ADAMTS3: variants seen among roughly 807,000 people sequenced by gnomAD.
ADAMTS3 encodes A disintegrin and metalloproteinase with thrombospondin motifs 3.
ADAMTS3 carries 73 observed loss-of-function variants against 129.0 expected under a neutral mutation model. The ratio of observed to expected loss-of-function variants is 0.57; its 90% CI spans 0.47 to 0.69. ADAMTS3 has a LOEUF of 0.69. Among genes scored for constraint, ADAMTS3 ranks in the 30% least tolerant of loss-of-function variants. The probability of loss-of-function intolerance (pLI) is 0.00; values close to 1 mark genes in which losing one functional copy is unlikely to be tolerated. For missense variants in ADAMTS3, 1,457 were observed against 1,514.5 expected, an observed-to-expected ratio of 0.96 and a Z score of 0.63; for synonymous variants, 477 against 510.8, an observed-to-expected ratio of 0.93 and a Z score of 0.89.
At chr4:72,452,181 A>G (rs1718424843) in intron 3 of ADAMTS3, among the ~76,000 whole-genome samples, 1 of 151,796 alleles carries the variant, frequency 6.6e-6, no homozygotes, top group African/African-American at 2.4e-5. Flanking sequence ...ATCTGAATAC[A>G]AAAATAAAAG....
chr4:72,447,241 A>AGAAT (rs752974801), intron 3 of ADAMTS3, among the ~76,000 whole-genome samples: 1 of 151,722 alleles, frequency 6.6e-6, no homozygotes, highest in Non-Finnish European at 1.5e-5. Flanking sequence ...CTTTGCTGTT[A>AGAAT]TTCTAACTGC....
chr4:72,439,546 T>A (rs1718056917), intron 3 of ADAMTS3, among the ~76,000 whole-genome samples: 1 of 151,718 alleles, frequency 6.6e-6, no homozygotes, highest in Admixed American at 6.6e-5. Context: ...ACTGGTATAA[T>A]GTTTTAATAA....
At chr4:72,385,454 C>A (rs138649165) in intron 4 of ADAMTS3, among the ~76,000 whole-genome samples, 1 of 151,836 alleles carries the variant, frequency 6.6e-6, no homozygotes. Flanking sequence ...GACAAACAGA[C>A]AGTAAACTGT....
At position 72,399,397 on chromosome 4, in the gene ADAMTS3, C is replaced by A. The variant is rs530566690; in HGVS notation, c.661+15418G>T. ...GCAGTGAGCTATGATTATGCCACCGCACTCCAGCCTGGGCAATAGAACAAC... is the reference window on the plus strand; with the variant it reads ...GCAGTGAGCTATGATTATGCCACCGAACTCCAGCCTGGGCAATAGAACAAC... On this transcript the variant is annotated intron_variant, in intron 4 of 21. Coordinates refer to ENST00000286657, the MANE Select transcript of ADAMTS3 (RefSeq NM_014243.3). Among the ~76,000 whole-genome samples the A allele has an allele frequency of 2.6e-5, 4 of 152,172 alleles. No individual in the cohort carries two copies. The South Asian group carries it at 6.2e-4, about 24-fold the overall frequency.
chr4:72,316,036 T>C, intron 10 of ADAMTS3, 65 bp from the exon 11 acceptor site: 1 of 912,598 alleles, frequency 1.1e-6, no homozygotes. Context: ...CAAAAATATA[T>C]TCTATACAGT....
In ADAMTS3 at chr4:72,432,606, A is replaced by T. The variant is rs116551604; in HGVS notation, c.505-17635T>A. Among the ~76,000 whole-genome samples the T allele has an allele frequency of 1.4e-3, 219 of 152,090 alleles. 1 individual carries two copies. Among genetic ancestry groups the T allele is most frequent in the African/African-American group, 5.1e-3 (213 of 41,554 alleles). On this transcript the variant is annotated intron_variant, in intron 3 of 21. Transcript: ENST00000286657. ...CTTGACAGCTATGTCTGGCTTTCTC[A>T]TTAAAATTTAAATAAAGATTATGAT...
chr4:72,391,332 C>T (rs1721589511), intron 4 of ADAMTS3, among the ~76,000 whole-genome samples: 1 of 152,122 alleles, frequency 6.6e-6, no homozygotes, highest in African/African-American at 2.4e-5. Flanking sequence ...ACCCAAGCTA[C>T]AGAGTTGAGA....
intron 2 of ADAMTS3, among the ~76,000 whole-genome samples, chr4:72,550,084 A>G (rs1423231947): frequency 9.0e-6 from 1 of 111,522 alleles, no homozygotes. Context: ...AGGAAGAGGA[A>G]GAAGAAGAAG....
Position 72,311,076 on chromosome 4 carries a change from T to A in ADAMTS3, c.2027A>T (p.Tyr676Phe). The A allele has an allele frequency of 6.2e-7, 1 of 1,611,548 alleles. No individual in the cohort carries two copies. The highest frequency in any genetic ancestry group is 8.5e-7 in the Non-Finnish European group (1 of 1,178,310). The stretch of plus-strand genomic sequence containing the variant: ...ACACTCTCCTCGCACACATATGCTA[T>A]ATGGATCTTTGTAAGAACAGTGCGT... The part of the protein sequence containing the change: ...DGTHCSYKDP[Y>F]SICVRGECVK... Residue 676 changes from tyrosine to phenylalanine, a missense_variant, in exon 14 of 22, where the codon TAT (tyrosine) becomes TTT (phenylalanine). Physicochemically the swap from Tyr to Phe is conservative, Grantham distance 22 (BLOSUM62 3). Coordinates refer to ENST00000286657, the MANE Select transcript of ADAMTS3 (RefSeq NM_014243.3).
chr4:72,375,648 G>A (rs1160110814), intron 4 of ADAMTS3, among the ~76,000 whole-genome samples: 1 of 152,108 alleles, frequency 6.6e-6, no homozygotes, highest in Non-Finnish European at 1.5e-5. Context: ...GCAGGAATTT[G>A]CATAGCAGGA....
intron 2 of ADAMTS3, among the ~76,000 whole-genome samples, chr4:72,564,986 G>A (rs148152536): frequency 9.2e-5 from 14 of 152,276 alleles, no homozygotes; most frequent in African/African-American, 3.1e-4. Context: ...GTTGGCATGA[G>A]GGACGTACAG....
intron 4 of ADAMTS3, among the ~76,000 whole-genome samples, chr4:72,364,958 T>C (rs76332294): frequency 0.017 from 2,617 of 152,234 alleles, 58 homozygotes; most frequent in African/African-American, 0.06. Context: ...TATTATAAGT[T>C]TCTGTTTGTT....
intron 4 of ADAMTS3, among the ~76,000 whole-genome samples, chr4:72,356,700 GA>G (rs1375935971): frequency 1.3e-5 from 2 of 151,594 alleles, no homozygotes; most frequent in African/African-American, 4.8e-5. Context: ...GCAAGTCATT[GA>G]ATACAAAACC....
intron 2 of ADAMTS3, among the ~76,000 whole-genome samples, chr4:72,549,997 AGAGG>A (rs1721583127): frequency 2.0e-4 from 2 of 9,984 alleles, no homozygotes; most frequent in African/African-American, 7.1e-4. Flanking sequence ...AAGAAGAGGA[AGAGG>A]AAGAAGAAGA....
rs530253111 is a variant in ADAMTS3 at position 72,527,819 on chromosome 4, G to C, written c.504+20659C>G. The stretch of plus-strand genomic sequence containing the variant: ...GGGTACCAAGAGGAAGGAAGGACAG[G>C]GATTCTACCCAGAGGAAGAATTCAT... On this transcript the variant is annotated intron_variant, in intron 3 of 21. Transcript: ENST00000286657. Among the ~76,000 whole-genome samples the C allele has an allele frequency of 2.0e-5, 3 of 152,222 alleles. No individual in the cohort carries two copies. The South Asian group carries it at 6.2e-4, about 32-fold the overall frequency.
chr4:72,526,030 A>T (rs894297243), intron 3 of ADAMTS3, among the ~76,000 whole-genome samples: 9 of 152,220 alleles, frequency 5.9e-5, no homozygotes, highest in Admixed American at 3.3e-4. Context: ...AGCCAGCACT[A>T]GCCCTTCAAG....
Position 72,548,746 on chromosome 4 carries a change from T to C in ADAMTS3, c.236A>G (p.Gln79Arg). 2 of 1,613,984 alleles carry C rather than the reference T, an allele frequency of 1.2e-6. No homozygotes were observed. The change falls in exon 3 of 22, where the codon CAG (glutamine) becomes CGG (arginine). Residue 79 changes from glutamine (Q) to arginine (R), a missense_variant. Coordinates refer to ENST00000286657, the MANE Select transcript of ADAMTS3 (RefSeq NM_014243.3). ...SARDVSSNPE[Q>R]LFFNITAFGK... ...AAATGCCGTGATGTTAAAGAACAAC[T>C]GCTCAGGGTTGGAAGACACGTCCCT...
chr4:72,458,310 T>TA (rs546420618), intron 3 of ADAMTS3, among the ~76,000 whole-genome samples: 1 of 151,504 alleles, frequency 6.6e-6, no homozygotes, highest in Non-Finnish European at 1.5e-5. Context: ...TCTCTGTCTT[T>TA]AAAATATGGC....
At chr4:72,314,033 T>C (rs1046255774) in intron 11 of ADAMTS3, among the ~76,000 whole-genome samples, 2 of 152,090 alleles carry the variant, frequency 1.3e-5, no homozygotes, top group Non-Finnish European at 2.9e-5. Flanking sequence ...AAAATTAAAA[T>C]GGAAAAACAA....
Sources: gnomAD v4.1 joint callset for allele counts (sites outside exome capture counted in the v4.1 genomes callset) on GRCh38, gnomAD v4.1.1 for gene constraint, MANE v1.5 for transcripts, NCBI Gene and HGNC (gene_info 2026-07-23, HGNC 2026-07-21) for gene names.